Variants in POLE observed in about 807,000 individuals in gnomAD.
POLE encodes the protein DNA polymerase epsilon, catalytic subunit.
A neutral mutation model predicts 279.2 loss-of-function variants in POLE; 188 were observed. The observed-to-expected ratio is 0.67, with a 90% confidence interval of 0.60 to 0.76. The LOEUF (loss-of-function observed/expected upper bound fraction) is 0.76, where lower values mean the gene tolerates loss of function less well. Ranked by LOEUF, POLE falls within the 30% of genes least tolerant of loss-of-function variation. POLE has a pLI of 0.00. For missense variants in POLE, 2,703 were observed against 3,016.7 expected, an observed-to-expected ratio of 0.90 and a Z score of 2.44; for synonymous variants, 1,214 against 1,172.5, an observed-to-expected ratio of 1.04 and a Z score of -0.72.
In POLE at chr12:132,681,270, G is replaced by A. The variant is rs61751359; in HGVS notation, c.72C>T (p.Gly24=). ...TGAGTGCCGAAACTGAGGAAGTGGC[G>A]CCATCATCCCTGAGTGAAAGAAGGG... ...GADGEASRDD[G]ATSSVSALKR... is the part of the protein sequence containing the mutation. Residue 24 remains glycine, a synonymous_variant, in exon 2 of 49, where the codon GGC becomes GGT. Coordinates refer to ENST00000320574, the MANE Select transcript of POLE (RefSeq NM_006231.4). 4.3e-6 allele frequency: 7 copies of A among 1,614,118 alleles called. No homozygotes were observed. The highest frequency in any genetic ancestry group is 3.3e-5 in the Admixed American group (2 of 60,028).
At position 132,626,257 on chromosome 12, in the gene POLE, G is replaced by C; in HGVS notation, c.6391C>G (p.Arg2131Gly). ...QVNKLNRDLL[R>G]LVDVGEFSEE... Reference sequence around the variant, plus strand: ...GAGAACTCGCCGACATCCACCAGGCGAAGCAGGTCTCGGTTCAGCTTATTC... The same window carrying C: ...GAGAACTCGCCGACATCCACCAGGCCAAGCAGGTCTCGGTTCAGCTTATTC... The change falls in exon 46 of 49, where the codon CGC becomes GGC. Residue 2131 changes from arginine to glycine, a missense_variant. Arg to Gly is a moderately radical substitution (Grantham distance 125, BLOSUM62 -2). Around this residue, in one of 5 missense-constraint regions of POLE, gnomAD observed 1,551 missense variants for 1,686.1 expected, o/e 0.92. Coordinates refer to ENST00000320574, the MANE Select transcript of POLE (RefSeq NM_006231.4). 8 of 1,613,938 alleles carry C rather than the reference G, an allele frequency of 5.0e-6. No homozygotes were observed. The highest frequency in any genetic ancestry group is 6.8e-6 in the Non-Finnish European group (8 of 1,180,044).
At chr12:132,648,697 A>G in intron 32 of POLE, 1 of 463,900 alleles carries the variant, frequency 2.2e-6, no homozygotes, top group Non-Finnish European at 3.8e-6. Flanking sequence ...TCCCCGCAAC[A>G]TGGACCTCGC....
At position 132,677,632 on chromosome 12, in the gene POLE, G is replaced by C. The variant is rs1357052511; in HGVS notation, c.666C>G (p.Arg222=). 2 of 1,614,106 alleles carry C rather than the reference G, an allele frequency of 1.2e-6. No individual in the cohort carries two copies. Among genetic ancestry groups the C allele is most frequent in the East Asian group, 2.2e-5 (1 of 44,880 alleles). Residue 222 remains arginine, a synonymous_variant, in exon 7 of 49, where the codon CGC becomes CGG. Transcript: ENST00000320574. ...ADQLDNIVDM[R]EYDVPYHIRL... ...GGATGTGGTAGGGAACATCGTACTC[G>C]CGCATGTCCACAATGTTGTCCAACT...
In POLE at chr12:132,624,484, C is replaced by T. The variant is rs1379145948; in HGVS notation, c.*213G>A. On this transcript the variant is annotated 3_prime_UTR_variant, in exon 49 of 49. Transcript: ENST00000320574. ...CGGCCTGCTTCTTCAGGTGCTCTGGCGAGGCCAGGGCCACATCCTGCTCCC... is the reference window on the plus strand; with the variant it reads ...CGGCCTGCTTCTTCAGGTGCTCTGGTGAGGCCAGGGCCACATCCTGCTCCC... 1.9e-5 allele frequency: 11 copies of T among 592,072 alleles called. No homozygotes were observed. In the East Asian group the frequency reaches 2.2e-4, roughly 12 times the overall value. The allele number at this position is 592,072 out of a possible 1,614,324, so 36.7% of individuals were successfully genotyped here. A position where few individuals can be genotyped will look rare whatever the true frequency, so the allele number is the denominator to read the frequency against.
At chr12:132,653,723 T>C (rs1422415677) in intron 29 of POLE, among the ~76,000 whole-genome samples, 1 of 152,234 alleles carries the variant, frequency 6.6e-6, no homozygotes, top group Non-Finnish European at 1.5e-5. Context: ...AAGCAGTGGT[T>C]AACAGGCATC....
chr12:132,625,157 A>G (rs989165588), intron 47 of POLE, 163 bp from the exon 48 acceptor site: 6 of 680,344 alleles, frequency 8.8e-6, no homozygotes, highest in African/African-American at 8.8e-5. Flanking sequence ...GCACGACCTC[A>G]TCCCACGGTG....
Position 132,675,919 on chromosome 12 carries a change from C to A in POLE, c.1021-99G>T. On this transcript the variant is annotated intron_variant, in intron 10 of 48. Coordinates refer to ENST00000320574, the MANE Select transcript of POLE (RefSeq NM_006231.4). This position sits in a 1 kb window ranked among gnomAD's most constrained non-coding sequence, Gnocchi z 4.3. Reference sequence around the variant, plus strand: ...TTCAGAAGCAGCAGCCTCATGTTGGCCCTTATTCCTGCCCCGCCCCTCCGC... The same window carrying A: ...TTCAGAAGCAGCAGCCTCATGTTGGACCTTATTCCTGCCCCGCCCCTCCGC... 1 of 1,070,352 alleles carries A rather than the reference C, an allele frequency of 9.3e-7. No homozygotes were observed. The highest frequency in any genetic ancestry group is 1.4e-6 in the Non-Finnish European group (1 of 697,784). The allele number at this position is 1,070,352 out of a possible 1,614,324, so 66.3% of individuals were successfully genotyped here.
chr12:132,668,411 G>T lies in POLE; in HGVS notation c.2118C>A (p.Ala706=), dbSNP rs1555227247. ...GTTCCTCGCGGGACAGTTCATGAAA[G>T]GCCCGAGCTGGCCCCTCTGGGAACA... The part of the protein sequence containing the change: ...PPLFPEGPAR[A]FHELSREEQA... The change falls in exon 19 of 49, where the codon GCC becomes GCA. Residue 706 remains alanine, a synonymous_variant. Coordinates refer to ENST00000320574, the MANE Select transcript of POLE (RefSeq NM_006231.4). This position sits in a 1 kb window ranked among gnomAD's most constrained non-coding sequence, Gnocchi z 4.0. 2 of 1,612,210 alleles carry T rather than the reference G, an allele frequency of 1.2e-6. No homozygotes were observed. Among genetic ancestry groups the T allele is most frequent in the Non-Finnish European group, 1.7e-6 (2 of 1,179,080 alleles).
chr12:132,624,314 T>G lies in POLE; in HGVS notation c.*383A>C. 1 of 298,138 alleles carries G rather than the reference T, an allele frequency of 3.4e-6. No individual in the cohort carries two copies. Among genetic ancestry groups the G allele is most frequent in the Non-Finnish European group, 6.4e-6 (1 of 157,420 alleles). 18.5% of individuals were successfully genotyped at this position (298,138 alleles called of 1,614,324 possible). A position where few individuals can be genotyped will look rare whatever the true frequency, so the allele number is the denominator to read the frequency against. ...GGAGCCAGAAGCCCCCAGGGGCTTTTCCTCCCTCTGGGAGGCAGGACAAAG... is the reference window on the plus strand; with the variant it reads ...GGAGCCAGAAGCCCCCAGGGGCTTTGCCTCCCTCTGGGAGGCAGGACAAAG... On this transcript the variant is annotated 3_prime_UTR_variant, in exon 49 of 49. Coordinates refer to ENST00000320574, the MANE Select transcript of POLE (RefSeq NM_006231.4).
At position 132,642,347 on chromosome 12, in the gene POLE, C is replaced by T. The variant is rs368735471; in HGVS notation, c.5003G>A (p.Gly1668Asp). The T allele has an allele frequency of 1.9e-6, 3 of 1,589,528 alleles. No individual in the cohort carries two copies. The highest frequency in any genetic ancestry group is 2.7e-5 in the African/African-American group (2 of 74,490). Reference sequence around the variant, plus strand: ...GTGGCGGGCAAAGAAGAGGTCGGAGCCGAATGTGGAGATGTCCTCTGGTAG... The same window carrying T: ...GTGGCGGGCAAAGAAGAGGTCGGAGTCGAATGTGGAGATGTCCTCTGGTAG... ...GNLPEDISTF[G>D]SDLFFARHLQ... Residue 1668 changes from glycine to aspartate, a missense_variant, in exon 38 of 49, where the codon GGC (glycine) becomes GAC (aspartate). Coordinates refer to ENST00000320574, the MANE Select transcript of POLE (RefSeq NM_006231.4).
intron 46 of POLE, 27 bp downstream of exon 46, chr12:132,626,090 G>C: frequency 6.4e-7 from 1 of 1,569,530 alleles, no homozygotes. Flanking sequence ...GCTCCACAGT[G>C]AAGGGCCCGC....
Position 132,642,652 on chromosome 12 carries a change from G to T in POLE, c.4806C>A (p.Val1602=). The T allele has an allele frequency of 6.2e-7, 1 of 1,613,344 alleles. No homozygotes were observed. The highest frequency in any genetic ancestry group is 8.5e-7 in the Non-Finnish European group (1 of 1,180,026). Residue 1602 remains valine, a synonymous_variant, in exon 37 of 49, where the codon GTC becomes GTA. Transcript: ENST00000320574. The stretch of plus-strand genomic sequence containing the variant: ...TAGGCACCAGTGGGAATTCCTCCAA[G>T]ACAGGAATTTCACTGGCCAGCCTCT... ...ELKRLASEIP[V]LEEFPLVPIC... is the part of the protein sequence containing the mutation.
rs1428999721 is a variant in POLE, at chr12:132,660,953, G to A, written c.3060+16C>T. 1.3e-6 allele frequency: 2 copies of A among 1,572,616 alleles called. No individual in the cohort carries two copies. The highest frequency in any genetic ancestry group is 1.2e-5 in the South Asian group (1 of 85,946). On this transcript the variant is annotated intron_variant, in intron 25 of 48. Transcript: ENST00000320574. ...TCATCCCTCAGAGCAGGTGAGGGTG[G>A]AGGGTAGGCCTTTACCTTGCTGTAC... is the stretch of plus-strand genomic sequence containing the variant.
chr12:132,638,337 C>T, intron 40 of POLE, 198 bp from the exon 41 acceptor site: 1 of 393,438 alleles, frequency 2.5e-6, no homozygotes, highest in Admixed American at 4.3e-5. Context: ...CAAAAGATAA[C>T]CAAAAACAGG....
rs771873153 is a variant in POLE at position 132,649,513 on chromosome 12, C to T, written c.3798G>A (p.Glu1266=). 2 of 1,612,440 alleles carry T rather than the reference C, an allele frequency of 1.2e-6. No homozygotes were observed. The highest frequency in any genetic ancestry group is 1.7e-6 in the Non-Finnish European group (2 of 1,179,888). ...GQPPALGTSQ[E]EWLVWLRFHK... Reference sequence around the variant, plus strand: ...GGAACCGGAGCCAGACAAGCCATTCCTCCTGGGATGGATGGTGAGCACAGC... The same window carrying T: ...GGAACCGGAGCCAGACAAGCCATTCTTCCTGGGATGGATGGTGAGCACAGC... Residue 1266 remains glutamate (E), a splice_region_variant and synonymous_variant, in exon 31 of 49, where the codon GAG becomes GAA. Coordinates refer to ENST00000320574, the MANE Select transcript of POLE (RefSeq NM_006231.4).
intron 29 of POLE, chr12:132,650,973 C>T (rs1414407056): frequency 6.8e-6 from 1 of 146,040 alleles, no homozygotes; most frequent in Non-Finnish European, 1.5e-5. Context: ...CTCCTGGGTT[C>T]AAGCAATTCT....
chr12:132,644,787 C>G (rs2042239496), intron 32 of POLE, among the ~76,000 whole-genome samples: 1 of 83,976 alleles, frequency 1.2e-5, no homozygotes, highest in Non-Finnish European at 2.4e-5. Context: ...TGTGTGGGGT[C>G]CTGGGGGGGT....
intron 41 of POLE, among the ~76,000 whole-genome samples, 181 bp downstream of exon 41, chr12:132,637,833 A>T (rs2042063366): frequency 6.6e-6 from 1 of 152,210 alleles, no homozygotes; most frequent in African/African-American, 2.4e-5. Context: ...GTGGCCTCCG[A>T]TCTGCTACCG....
chr12:132,675,341 C>G lies in POLE; in HGVS notation c.1226+57G>C. On this transcript the variant is annotated intron_variant, in intron 12 of 48. Coordinates refer to ENST00000320574, the MANE Select transcript of POLE (RefSeq NM_006231.4). The surrounding 1 kb of genome is among the most constrained non-coding windows in gnomAD (Gnocchi z 4.3). Reference sequence around the variant, plus strand: ...TGGTGACAGCACAGTCTGCAAGAGGCCTTCAGATCTCGCTCACGGACAGCA... The same window carrying G: ...TGGTGACAGCACAGTCTGCAAGAGGGCTTCAGATCTCGCTCACGGACAGCA... The G allele has an allele frequency of 1.3e-6, 2 of 1,588,948 alleles. No homozygotes were observed. The highest frequency in any genetic ancestry group is 1.1e-5 in the South Asian group (1 of 87,092).
Sources: allele counts gnomAD v4.1 joint callset (sites outside exome capture counted in the v4.1 genomes callset), GRCh38; gene constraint gnomAD v4.1.1; regional missense constraint gnomAD v4.1.1; non-coding constraint Gnocchi (gnomAD v3.1); transcripts MANE v1.5; gene names NCBI Gene and HGNC (gene_info 2026-07-23, HGNC 2026-07-21).